The following GMPS variants were observed in gnomAD, a reference collection of about 807,000 sequenced individuals.
GMPS encodes the protein guanosine monophosphate synthase.
GMPS carries 15 observed loss-of-function variants against 77.9 expected under a neutral mutation model. The ratio of observed to expected loss-of-function variants is 0.19; its 90% confidence interval spans 0.13 to 0.30. The LOEUF (loss-of-function observed/expected upper bound fraction) is 0.30. Among genes scored for constraint, GMPS ranks in the 10% least tolerant of loss-of-function variants. GMPS has a pLI of 1.00. For missense variants in GMPS, 590 were observed against 838.8 expected (o/e 0.70, Z 3.66); for synonymous variants, 224 against 275.9 (o/e 0.81, Z 1.86).
At position 155,874,461 on chromosome 3, in the gene GMPS, T is replaced by C. The variant is rs926670997; in HGVS notation, c.27+3564T>C. Among the ~76,000 whole-genome samples, 3 of 152,372 alleles carry C rather than the reference T, an allele frequency of 2.0e-5. No homozygotes were observed. The East Asian group carries it at 5.8e-4, about 29-fold the overall frequency. On this transcript the variant is annotated intron_variant, in intron 1 of 15. Transcript: ENST00000496455. ...GGAATGGGAATATAACTTGGGATTT[T>C]TATCTGGGATGTACTGAGAATTAAA...
chr3:155,915,341 G>A (rs1021808839), intron 8 of GMPS, among the ~76,000 whole-genome samples: 1 of 150,816 alleles, frequency 6.6e-6, no homozygotes, highest in Admixed American at 6.6e-5. Context: ...GGGTTCAAGC[G>A]ATTCTCCTGC....
rs192180998 is a variant in GMPS at position 155,886,162 on chromosome 3, G to C, written c.28-7356G>C. Reference sequence around the variant, plus strand: ...ATGTTTTGCTGACTAAAATATTAAGGGATTGCACTTGTCCATTCATAATTG... The same window carrying C: ...ATGTTTTGCTGACTAAAATATTAAGCGATTGCACTTGTCCATTCATAATTG... On this transcript the variant is annotated intron_variant, in intron 1 of 15. Coordinates refer to ENST00000496455, the MANE Select transcript of GMPS (RefSeq NM_003875.3). Among the ~76,000 whole-genome samples, 399 of 152,056 alleles carry C rather than the reference G, an allele frequency of 2.6e-3. 3 individuals carry two copies. Among genetic ancestry groups the C allele is most frequent in the African/African-American group, 9.3e-3 (386 of 41,468 alleles).
intron 15 of GMPS, 57 bp downstream of exon 15, chr3:155,936,567 A>T: frequency 1.0e-6 from 1 of 970,282 alleles, no homozygotes; most frequent in South Asian, 1.4e-5. Flanking sequence ...ATTTTATAAT[A>T]TGGTGAATGG....
At chr3:155,893,274 A>G (rs1754517696) in intron 1 of GMPS, among the ~76,000 whole-genome samples, 1 of 152,216 alleles carries the variant, frequency 6.6e-6, no homozygotes, top group African/African-American at 2.4e-5. Flanking sequence ...TATACACATG[A>G]TCACTATATT....
At chr3:155,929,995 A>G (rs921170766) in intron 12 of GMPS, among the ~76,000 whole-genome samples, 19 of 149,946 alleles carry the variant, frequency 1.3e-4, no homozygotes, top group Admixed American at 9.3e-4. Flanking sequence ...GACTTTCTTC[A>G]CAGAATTGGA....
At chr3:155,914,320 A>T (rs1227412611) in intron 7 of GMPS, 99 bp from the exon 8 acceptor site, 1 of 842,932 alleles carries the variant, frequency 1.2e-6, no homozygotes, top group Non-Finnish European at 1.7e-6. Context: ...TGCTCTTCAG[A>T]CTGGGAAAGA....
intron 12 of GMPS, among the ~76,000 whole-genome samples, chr3:155,931,007 G>A (rs1755601239): frequency 6.6e-6 from 1 of 151,896 alleles, no homozygotes; most frequent in African/African-American, 2.4e-5. Flanking sequence ...TGTATATTTT[G>A]TAGAGACAGG....
rs1286376238 is a variant in GMPS at position 155,941,062 on chromosome 3, C to G, written c.*3370C>G. ...GAGCTAGAATCCAAGCTTTCTGATT[C>G]TCTGCATGGAAGAGGAAATGCTCTA... On this transcript the variant is annotated 3_prime_UTR_variant, in exon 16 of 16. Coordinates refer to ENST00000496455, the MANE Select transcript of GMPS (RefSeq NM_003875.3). 5.2e-6 allele frequency: 1 copy of G among 190,860 alleles called. No homozygotes were observed. Among genetic ancestry groups the G allele is most frequent in the Non-Finnish European group, 1.1e-5 (1 of 91,020 alleles). The allele number at this position is 190,860 out of a possible 1,614,324, so 11.8% of individuals were successfully genotyped here.
chr3:155,910,866 T>C lies in GMPS; in HGVS notation c.701T>C (p.Val234Ala). The C allele has an allele frequency of 6.3e-7, 1 of 1,579,730 alleles. No individual in the cohort carries two copies. ...TGTATTCGAGAGATCAAAGAGAGAG[T>C]AGGCACGTCAAAAGTTTTGGTAAGC... ...LECIREIKER[V>A]GTSKVLVLLS... The change falls in exon 6 of 16, where the codon GTA (valine) becomes GCA (alanine). Residue 234 changes from valine (V) to alanine (A), a missense_variant. Physicochemically the swap from Val to Ala is moderately conservative, Grantham distance 64. This residue lies in a region of GMPS where 181 missense variants were observed against 186.8 expected (regional missense o/e 0.97). Coordinates refer to ENST00000496455, the MANE Select transcript of GMPS (RefSeq NM_003875.3).
At chr3:155,906,880 C>T (rs867689169) in intron 5 of GMPS, among the ~76,000 whole-genome samples, 2 of 152,056 alleles carry the variant, frequency 1.3e-5, no homozygotes, top group African/African-American at 2.4e-5. Flanking sequence ...CCATTTTGTT[C>T]TCTAATTTTT....
At chr3:155,870,120 C>G (rs1370176040), upstream of GMPS, among the ~76,000 whole-genome samples, 1 of 152,222 alleles carries the variant, frequency 6.6e-6, no homozygotes, top group Non-Finnish European at 1.5e-5. Context: ...TTTGAAGTAT[C>G]TAAGTGATCA....
At chr3:155,901,265 T>C (rs1351100041) in intron 3 of GMPS, among the ~76,000 whole-genome samples, 4 of 152,160 alleles carry the variant, frequency 2.6e-5, no homozygotes, top group Non-Finnish European at 4.4e-5. Context: ...GATTGACCTA[T>C]ATATAAGTGA....
chr3:155,939,930 T>C lies in GMPS; in HGVS notation c.*2238T>C. ...TAAGAAAACAAGCTCACCTTAGGCA[T>C]GGTTACTTAATTAATTTCAGAATTA... On this transcript the variant is annotated 3_prime_UTR_variant, in exon 16 of 16. Coordinates refer to ENST00000496455, the MANE Select transcript of GMPS (RefSeq NM_003875.3). 1 of 202,222 alleles carries C rather than the reference T, an allele frequency of 4.9e-6. No individual in the cohort carries two copies. The highest frequency in any genetic ancestry group is 7.7e-5 in the East Asian group (1 of 13,070). 12.5% of individuals were successfully genotyped at this position (202,222 alleles called of 1,614,324 possible).
chr3:155,923,081 T>A (rs944132006), intron 11 of GMPS, among the ~76,000 whole-genome samples: 1 of 152,108 alleles, frequency 6.6e-6, no homozygotes, highest in Non-Finnish European at 1.5e-5. Flanking sequence ...AACAAGACCC[T>A]CAAGACTTTA....
chr3:155,924,393 A>C (rs1449738572), intron 11 of GMPS, among the ~76,000 whole-genome samples: 1 of 152,270 alleles, frequency 6.6e-6, no homozygotes, highest in Admixed American at 6.5e-5. Flanking sequence ...AATGTGTAAC[A>C]ATGTTTAGCT....
chr3:155,873,991 G>A (rs775971059), intron 1 of GMPS, among the ~76,000 whole-genome samples: 2 of 152,062 alleles, frequency 1.3e-5, no homozygotes, highest in Non-Finnish European at 2.9e-5. Context: ...TCACCCGAAC[G>A]GTATACACAA....
At chr3:155,898,194 T>C (rs1206484593) in intron 3 of GMPS, among the ~76,000 whole-genome samples, 153 bp downstream of exon 3, 1 of 152,202 alleles carries the variant, frequency 6.6e-6, no homozygotes, top group Non-Finnish European at 1.5e-5. Flanking sequence ...GCCACACTAG[T>C]ATGGCAGAAC....
At position 155,931,849 on chromosome 3, in the gene GMPS, CT is replaced by C; in HGVS notation, c.1647del (p.Ile550TyrfsTer31). The stretch of plus-strand genomic sequence containing the variant: ...GGAATCACTTATTTTTCTGGCTAGG[CT>C]TATACCTCGCATGTGTCACAACGTT... ...DWESLIFLARLIPRMCHNVNR... is the reference protein window; with the variant it reads ...DWESLIFLARXIPRMCHNVNR... On this transcript the variant is annotated frameshift_variant, in exon 13 of 16. Coordinates refer to ENST00000496455, the MANE Select transcript of GMPS (RefSeq NM_003875.3). LOFTEE classifies it high-confidence loss of function. The C allele has an allele frequency of 6.3e-7, 1 of 1,579,898 alleles. No homozygotes were observed. The highest frequency in any genetic ancestry group is 8.7e-7 in the Non-Finnish European group (1 of 1,149,258).
Position 155,910,900 on chromosome 3 carries a change from A to T in GMPS, c.720+15A>T. The T allele has an allele frequency of 1.3e-6, 2 of 1,514,334 alleles. No homozygotes were observed. Among genetic ancestry groups the T allele is most frequent in the Non-Finnish European group, 1.8e-6 (2 of 1,111,746 alleles). 93.8% of individuals were successfully genotyped at this position (1,514,334 alleles called of 1,614,324 possible). On this transcript the variant is annotated intron_variant, in intron 6 of 15. Coordinates refer to ENST00000496455, the MANE Select transcript of GMPS (RefSeq NM_003875.3). ...CAAAAGTTTTGGTAAGCAAATTATT[A>T]TCTGGAAGTCTACAAATTTATATCA...
Sources: gnomAD v4.1 joint callset for allele counts (sites outside exome capture counted in the v4.1 genomes callset) on GRCh38, gnomAD v4.1.1 for gene constraint, gnomAD v4.1.1 regional missense constraint, MANE v1.5 for transcripts, NCBI Gene and HGNC (gene_info 2026-07-23, HGNC 2026-07-21) for gene names.